Variants in RCOR3 observed in about 807,000 individuals in gnomAD.
The protein encoded by RCOR3 is REST corepressor 3.
A neutral mutation model predicts 64.1 loss-of-function variants in RCOR3; 13 were observed. That is an observed-to-expected ratio of 0.20 (90% confidence interval 0.13 to 0.32). RCOR3 has a LOEUF of 0.32. Among genes scored for constraint, RCOR3 ranks in the 10% least tolerant of loss-of-function variants. RCOR3 has a pLI of 1.00. For synonymous variants in RCOR3, 215 were observed against 239.0 expected (o/e 0.90, Z 0.93); for missense variants, 489 against 701.2 (o/e 0.70, Z 3.42).
intron 9 of RCOR3, among the ~76,000 whole-genome samples, chr1:211,295,988 A>G (rs1699827399): frequency 6.6e-6 from 1 of 152,206 alleles, no homozygotes; most frequent in Non-Finnish European, 1.5e-5. Context: ...CAAGCCAACA[A>G]TTAGGGAAAA....
At position 211,312,957 on chromosome 1, in the gene RCOR3, A is replaced by AG; in HGVS notation, c.1315dup (p.Glu439GlyfsTer80). On this transcript the variant is annotated frameshift_variant, in exon 11 of 12. Coordinates refer to ENST00000419091, the MANE Select transcript of RCOR3 (RefSeq NM_001136223.3). LOFTEE classifies it high-confidence loss of function. The surrounding 1 kb of genome is among the most constrained non-coding windows in gnomAD (Gnocchi z 5.0). ...TCAGGGAAGAGCACTGATGAAGAAG[A>AG]GGAGGTGTGTTTGTGTATGGAATTT... The AG allele has an allele frequency of 1.2e-6, 2 of 1,614,154 alleles. No homozygotes were observed. Among genetic ancestry groups the AG allele is most frequent in the Non-Finnish European group, 1.7e-6 (2 of 1,180,018 alleles).
chr1:211,271,083 T>C lies in RCOR3; in HGVS notation c.224-149T>C, dbSNP rs1696114925. On this transcript the variant is annotated intron_variant, in intron 2 of 11. Coordinates refer to ENST00000419091, the MANE Select transcript of RCOR3 (RefSeq NM_001136223.3). ...CATGTTAGCCAGGATGGTCTCGATC[T>C]CCTGACCTTGTGATCCGCCTGCCTC... The C allele has an allele frequency of 7.4e-6, 4 of 543,104 alleles. 1 individual carries two copies. The South Asian group carries it at 1.1e-4, about 15-fold the overall frequency. The allele number at this position is 543,104 out of a possible 1,614,324, so 33.6% of individuals were successfully genotyped here.
chr1:211,294,260 T>C lies in RCOR3; in HGVS notation c.940-1416T>C, dbSNP rs112463126. Among the ~76,000 whole-genome samples the C allele has an allele frequency of 8.5e-3, 1,293 of 152,322 alleles. 16 individuals carry two copies. The highest frequency in any genetic ancestry group is 0.028 in the African/African-American group (1,155 of 41,568). On this transcript the variant is annotated intron_variant, in intron 8 of 11. Transcript: ENST00000419091. ...CACTGTATGTTATGAACCATACATATATGGTGTTAAAACTTTTCATCTGAT... is the reference window on the plus strand; with the variant it reads ...CACTGTATGTTATGAACCATACATACATGGTGTTAAAACTTTTCATCTGAT...
intron 2 of RCOR3, among the ~76,000 whole-genome samples, chr1:211,270,548 C>CAAAA (rs11422589): frequency 1.4e-5 from 2 of 147,920 alleles, no homozygotes; most frequent in African/African-American, 2.5e-5. Context: ...AGACATGGGG[C>CAAAA]AAAAAAAAAA....
intron 2 of RCOR3, among the ~76,000 whole-genome samples, chr1:211,262,399 A>T (rs1201265531): frequency 1.3e-5 from 2 of 152,172 alleles, no homozygotes; most frequent in African/African-American, 4.8e-5. Context: ...TTCTATAAAC[A>T]TTAAAATTTG....
intron 7 of RCOR3, among the ~76,000 whole-genome samples, chr1:211,282,721 A>T (rs1697986413): frequency 6.6e-6 from 1 of 151,360 alleles, no homozygotes; most frequent in Non-Finnish European, 1.5e-5. Flanking sequence ...CTGGTCTAGA[A>T]CTCCTGACCT....
intron 9 of RCOR3, chr1:211,301,643 T>G (rs1021727874): frequency 1.3e-5 from 2 of 152,248 alleles, no homozygotes; most frequent in South Asian, 2.1e-4. Context: ...CTTTTCCTAT[T>G]CTAAAACCAT....
intron 2 of RCOR3, among the ~76,000 whole-genome samples, chr1:211,270,872 T>C (rs1037385633): frequency 6.6e-6 from 1 of 152,052 alleles, no homozygotes; most frequent in African/African-American, 2.4e-5. Flanking sequence ...TTTTTTTTTT[T>C]TGAGACGGAG....
rs747974821 is a variant in RCOR3, at chr1:211,275,141, A to T, written c.354+879A>T. On this transcript the variant is annotated intron_variant, in intron 4 of 11. Coordinates refer to ENST00000419091, the MANE Select transcript of RCOR3 (RefSeq NM_001136223.3). ...TGAAATGAAAGAGATCTTAAATCTC[A>T]TTTCAACTAAGTATTATTTCAACCT... 1.4e-4 allele frequency among the ~76,000 whole-genome samples: 22 copies of T among 151,904 alleles called. 1 individual carries two copies. The highest frequency in any genetic ancestry group is 2.9e-4 in the Non-Finnish European group (20 of 67,834).
chr1:211,260,018 T>G, intron 1 of RCOR3, 90 bp from the exon 2 acceptor site: 1 of 1,332,460 alleles, frequency 7.5e-7, no homozygotes, highest in Non-Finnish European at 9.6e-7. Flanking sequence ...TTCCTCCATC[T>G]AGCGATTTTT....
At chr1:211,265,015 G>T (rs1316941644) in intron 2 of RCOR3, among the ~76,000 whole-genome samples, 1 of 152,090 alleles carries the variant, frequency 6.6e-6, no homozygotes. Context: ...TAGTTTTCTC[G>T]TTTGTAAAAG....
chr1:211,266,545 A>T (rs187838182), intron 2 of RCOR3, among the ~76,000 whole-genome samples: 1 of 152,310 alleles, frequency 6.6e-6, no homozygotes, highest in African/African-American at 2.4e-5. Flanking sequence ...ATAGTCTTTT[A>T]AAATTATGGT....
chr1:211,269,162 C>T (rs558531977), intron 2 of RCOR3, among the ~76,000 whole-genome samples: 2 of 152,044 alleles, frequency 1.3e-5, no homozygotes, highest in Non-Finnish European at 2.9e-5. Context: ...ATTATCGGTA[C>T]CACATAAAAG....
Position 211,295,772 on chromosome 1 carries a change from C to A in RCOR3, c.1017+19C>A. On this transcript the variant is annotated intron_variant, in intron 9 of 11. Coordinates refer to ENST00000419091, the MANE Select transcript of RCOR3 (RefSeq NM_001136223.3). Reference sequence around the variant, plus strand: ...TCCTGAGGTATGTTATTGAAGGATACATGTGATTAAGTATAGTGAAAACTT... The same window carrying A: ...TCCTGAGGTATGTTATTGAAGGATAAATGTGATTAAGTATAGTGAAAACTT... 2 of 1,602,346 alleles carry A rather than the reference C, an allele frequency of 1.2e-6. 1 individual carries two copies. Among genetic ancestry groups the A allele is most frequent in the Middle Eastern group, 3.3e-4 (2 of 5,984 alleles).
In RCOR3 at chr1:211,276,242, G is replaced by T. The variant is rs1188836538; in HGVS notation, c.355-15G>T. 6.2e-7 allele frequency: 1 copy of T among 1,608,504 alleles called. No individual in the cohort carries two copies. The highest frequency in any genetic ancestry group is 8.5e-7 in the Non-Finnish European group (1 of 1,177,218). ...AAGTCCATTAAAACCAAAGGGGAAT[G>T]ATTTCTCTTCAAAGGCACTTGGCAT... On this transcript the variant is annotated splice_polypyrimidine_tract_variant and intron_variant, in intron 4 of 11. Transcript: ENST00000419091.
intron 10 of RCOR3, among the ~76,000 whole-genome samples, chr1:211,305,765 A>G (rs1700789946): frequency 6.6e-6 from 1 of 152,188 alleles, no homozygotes; most frequent in South Asian, 2.1e-4. Context: ...TGGGTTGGAT[A>G]TTACCCAAAG....
At chr1:211,274,758 TG>T (rs1166981144) in intron 4 of RCOR3, among the ~76,000 whole-genome samples, 1 of 151,936 alleles carries the variant, frequency 6.6e-6, no homozygotes, top group Non-Finnish European at 1.5e-5. Context: ...AGGCTTTTTT[TG>T]TTAGGTAACT....
intron 7 of RCOR3, 46 bp from the exon 8 acceptor site, chr1:211,289,132 A>G (rs777628576): frequency 2.8e-6 from 4 of 1,419,900 alleles, no homozygotes; most frequent in Admixed American, 3.4e-5. Flanking sequence ...CACTTTATAC[A>G]TTTGTGAAAA....
intron 7 of RCOR3, among the ~76,000 whole-genome samples, chr1:211,283,508 A>G (rs890326432): frequency 2.6e-5 from 4 of 152,190 alleles, no homozygotes; most frequent in African/African-American, 9.7e-5. Flanking sequence ...GCTTGATCAG[A>G]CTTTTAAAAT....
Sources: allele counts gnomAD v4.1 joint callset (sites outside exome capture counted in the v4.1 genomes callset), GRCh38; gene constraint gnomAD v4.1.1; non-coding constraint Gnocchi (gnomAD v3.1); transcripts MANE v1.5; gene names NCBI Gene and HGNC (gene_info 2026-07-23, HGNC 2026-07-21).